Variants in NUDCD1 observed in about 807,000 individuals in gnomAD.
NUDCD1 encodes the protein nudC domain-containing protein 1.
A neutral mutation model predicts 67.8 loss-of-function variants in NUDCD1; 60 were observed. That is an observed-to-expected ratio of 0.88 (90% CI 0.72 to 1.10). The LOEUF is 1.10. NUDCD1 is among the 50% of genes least tolerant of loss of function. The pLI, the probability that NUDCD1 is intolerant of heterozygous loss-of-function variation, is 0.00. For synonymous variants in NUDCD1, 244 were observed against 230.8 expected (o/e 1.06, Z -0.52); for missense variants, 643 against 695.0 (o/e 0.93, Z 0.84).
intron 8 of NUDCD1, among the ~76,000 whole-genome samples, chr8:109,248,188 T>C (rs1382761168): frequency 6.6e-6 from 1 of 152,202 alleles, no homozygotes; most frequent in Non-Finnish European, 1.5e-5. Flanking sequence ...AGGCAGCCTC[T>C]AGAAGTTAGA....
At chr8:109,326,277 C>T (rs1379643600) in intron 1 of NUDCD1, among the ~76,000 whole-genome samples, 1 of 152,142 alleles carries the variant, frequency 6.6e-6, no homozygotes, top group Non-Finnish European at 1.5e-5. Context: ...ATATTACATG[C>T]TATTTTGTAA....
rs367755147 is a variant in NUDCD1 at position 109,307,928 on chromosome 8, T to A, written c.274-11359A>T. On this transcript the variant is annotated intron_variant, in intron 2 of 9. Transcript: ENST00000239690. Reference sequence around the variant, plus strand: ...CTTGTCCAATAGGAAAATACCACAATCCTAAACATATATGCACCTAACACT... The same window carrying A: ...CTTGTCCAATAGGAAAATACCACAAACCTAAACATATATGCACCTAACACT... 1.8e-4 allele frequency among the ~76,000 whole-genome samples: 27 copies of A among 152,148 alleles called. No homozygotes were observed. The East Asian group carries it at 2.7e-3, about 15-fold the overall frequency.
rs758597431 is a variant in NUDCD1, at chr8:109,289,876, T to A, written c.698A>T (p.His233Leu). The change falls in exon 5 of 10, where the codon CAT (histidine) becomes CTT (leucine). Residue 233 changes from histidine to leucine, a missense_variant. Physicochemically the swap from His to Leu is moderately conservative, Grantham distance 99 (BLOSUM62 -3). Coordinates refer to ENST00000239690, the MANE Select transcript of NUDCD1 (RefSeq NM_032869.4). ...TCCATCAGGCTCAATAGCAGCATAA[T>A]GTGGCACTGACTTTCCACGGAGAAT... Reference protein sequence around the residue: ...RDILRGKSVPHYAAIEPDGNG... With the variant: ...RDILRGKSVPLYAAIEPDGNG... 1 of 1,546,330 alleles carries A rather than the reference T, an allele frequency of 6.5e-7. No homozygotes were observed. Among genetic ancestry groups the A allele is most frequent in the South Asian group, 1.2e-5 (1 of 80,168 alleles).
At chr8:109,263,759 G>T (rs1250243330) in intron 8 of NUDCD1, among the ~76,000 whole-genome samples, 1 of 152,072 alleles carries the variant, frequency 6.6e-6, no homozygotes, top group Non-Finnish European at 1.5e-5. Context: ...GGGGTCCATA[G>T]GCTTAAAACT....
chr8:109,304,119 A>G (rs1212761876), intron 2 of NUDCD1, among the ~76,000 whole-genome samples: 1 of 152,016 alleles, frequency 6.6e-6, no homozygotes, highest in Non-Finnish European at 1.5e-5. Context: ...AGCTGCTCCC[A>G]CACTAGCTCT....
At chr8:109,304,726 T>C (rs1815064318) in intron 2 of NUDCD1, among the ~76,000 whole-genome samples, 1 of 152,164 alleles carries the variant, frequency 6.6e-6, no homozygotes, top group Non-Finnish European at 1.5e-5. Context: ...CTGGAGTCAT[T>C]CACTGCAAGG....
At chr8:109,298,490 C>T (rs771924810) in intron 2 of NUDCD1, 2 of 152,036 alleles carry the variant, frequency 1.3e-5, no homozygotes, top group East Asian at 1.9e-4. Context: ...TCCCTCATAT[C>T]GTAAACAAAA....
At chr8:109,265,366 A>C (rs797002018) in intron 8 of NUDCD1, among the ~76,000 whole-genome samples, 2 of 152,138 alleles carry the variant, frequency 1.3e-5, no homozygotes, top group African/African-American at 4.8e-5. Flanking sequence ...GAGACCAAAA[A>C]CCACTGGTTT....
intron 8 of NUDCD1, among the ~76,000 whole-genome samples, chr8:109,269,513 A>G (rs961456293): frequency 6.6e-6 from 1 of 152,208 alleles, no homozygotes; most frequent in African/African-American, 2.4e-5. Flanking sequence ...ATGTTGGGCC[A>G]GAACTCAGAC....
chr8:109,296,623 C>G lies in NUDCD1; in HGVS notation c.274-54G>C. 5 of 1,195,426 alleles carry G rather than the reference C, an allele frequency of 4.2e-6. No homozygotes were observed. In the Admixed American group the frequency reaches 1.1e-4, roughly 27 times the overall value. 74.1% of individuals were successfully genotyped at this position (1,195,426 alleles called of 1,614,324 possible). ...CTCTTCCTCTTCACTGATCCACACA[C>G]ACAAAATAAATATCTGCGGTGTGGT... On this transcript the variant is annotated intron_variant, in intron 2 of 9. Transcript: ENST00000239690.
intron 2 of NUDCD1, among the ~76,000 whole-genome samples, chr8:109,322,006 T>G (rs190688036): frequency 7.9e-5 from 12 of 152,136 alleles, no homozygotes; most frequent in Non-Finnish European, 1.6e-4. Flanking sequence ...ATCATTATAG[T>G]TGGGGACAAC....
intron 2 of NUDCD1, among the ~76,000 whole-genome samples, chr8:109,313,612 T>A (rs1815312708): frequency 6.6e-6 from 1 of 152,208 alleles, no homozygotes. Context: ...TAAGATACAA[T>A]GGGAGGCTTT....
At chr8:109,330,795 CA>C (rs1554619090) in intron 1 of NUDCD1, among the ~76,000 whole-genome samples, 1 of 152,140 alleles carries the variant, frequency 6.6e-6, no homozygotes, top group Non-Finnish European at 1.5e-5. Flanking sequence ...GAACAGAACA[CA>C]AAACACCACA....
Position 109,243,150 on chromosome 8 carries a change from C to A in NUDCD1, c.1611G>T (p.Arg537Ser), listed in dbSNP as rs777477561. Residue 537 changes from arginine to serine, a missense_variant, in exon 10 of 10, where the codon AGG (arginine) becomes AGT (serine). Coordinates refer to ENST00000239690, the MANE Select transcript of NUDCD1 (RefSeq NM_032869.4). ...STVLYNRKEGRQVGQVAKQQV... is the reference protein window; with the variant it reads ...STVLYNRKEGSQVGQVAKQQV... ...GCTGCTTAGCAACCTGTCCTACTTGCCTGCCTTCCTTTCTGTTGTAAAGTA... is the reference window on the plus strand; with the variant it reads ...GCTGCTTAGCAACCTGTCCTACTTGACTGCCTTCCTTTCTGTTGTAAAGTA... 1.5e-5 allele frequency: 24 copies of A among 1,613,896 alleles called. No individual in the cohort carries two copies. Among genetic ancestry groups the A allele is most frequent in the Non-Finnish European group, 1.1e-5 (13 of 1,179,846 alleles).
chr8:109,243,396 A>G, intron 9 of NUDCD1, 95 bp from the exon 10 acceptor site: 2 of 1,021,848 alleles, frequency 2.0e-6, no homozygotes, highest in Non-Finnish European at 2.8e-6. Context: ...AATGTTTATT[A>G]CAAATTAAAA....
intron 8 of NUDCD1, among the ~76,000 whole-genome samples, chr8:109,258,657 C>T (rs567371764): frequency 6.6e-6 from 1 of 151,838 alleles, no homozygotes; most frequent in Non-Finnish European, 1.5e-5. Flanking sequence ...AGAGTATATT[C>T]CTGGAGAAAG....
At position 109,243,308 on chromosome 8, in the gene NUDCD1, A is replaced by T. The variant is rs1354855490; in HGVS notation, c.1460-7T>A. 1 of 1,558,896 alleles carries T rather than the reference A, an allele frequency of 6.4e-7. No individual in the cohort carries two copies. The highest frequency in any genetic ancestry group is 1.2e-5 in the South Asian group (1 of 83,914). On this transcript the variant is annotated splice_region_variant and splice_polypyrimidine_tract_variant and intron_variant, in intron 9 of 9. Coordinates refer to ENST00000239690, the MANE Select transcript of NUDCD1 (RefSeq NM_032869.4). ...TTTGATGCTTGGACATAGCCTGCCA[A>T]GAATATGAGACAAACAAAAGAAAAA...
At chr8:109,265,819 A>T (rs1040669953) in intron 8 of NUDCD1, among the ~76,000 whole-genome samples, 1 of 152,056 alleles carries the variant, frequency 6.6e-6, no homozygotes, top group Non-Finnish European at 1.5e-5. Flanking sequence ...AGACTCTAAG[A>T]CTGCTGCTCA....
intron 2 of NUDCD1, among the ~76,000 whole-genome samples, chr8:109,307,885 T>C (rs1293254595): frequency 6.6e-6 from 1 of 152,142 alleles, no homozygotes; most frequent in African/African-American, 2.4e-5. Context: ...AGAGGGACAT[T>C]ATACAATGAT....
Sources: allele counts gnomAD v4.1 joint callset (sites outside exome capture counted in the v4.1 genomes callset), GRCh38; gene constraint gnomAD v4.1.1; transcripts MANE v1.5; gene names NCBI Gene and HGNC (gene_info 2026-07-23, HGNC 2026-07-21).